The following DBNDD2 variants were observed in gnomAD, a reference collection of about 807,000 sequenced individuals.
The protein encoded by DBNDD2 is dysbindin domain-containing protein 2.
Under a neutral mutation model 14.0 loss-of-function variants are expected in DBNDD2, and 8 were observed. That is an observed-to-expected ratio of 0.57 (90% confidence interval 0.33 to 1.03). The LOEUF (loss-of-function observed/expected upper bound fraction) is 1.03. Among genes scored for constraint, DBNDD2 ranks in the 50% least tolerant of loss-of-function variants. DBNDD2 has a pLI of 0.03. For synonymous variants in DBNDD2, 94 were observed against 85.3 expected (o/e 1.10, Z -0.56); for missense variants, 194 against 206.0 (o/e 0.94, Z 0.36).
chr20:45,408,729 CCTGACATGTAACT>C, intron 1 of DBNDD2, 59 bp from the exon 2 acceptor site: 1 of 1,581,920 alleles, frequency 6.3e-7, no homozygotes, highest in Non-Finnish European at 8.7e-7. Flanking sequence ...TAACTTGGGA[CCTGACATGTAACT>C]CTCACTGTCC....
In DBNDD2 at chr20:45,408,918, C is replaced by A; in HGVS notation, c.257C>A (p.Pro86Gln). ...ADVFLPCEDP[P>Q]PTPQSSGMDN... ...GTGTTCTTGCCTTGCGAAGATCCTC[C>A]ACCAACCCCCCAGTCGTCTGGTATG... Residue 86 changes from proline to glutamine, a missense_variant, in exon 2 of 3, where the codon CCA becomes CAA. Pro to Gln is a moderately conservative substitution (Grantham distance 76). Coordinates refer to ENST00000372710, the MANE Select transcript of DBNDD2 (RefSeq NM_001048225.4). The A allele has an allele frequency of 6.2e-7, 1 of 1,614,186 alleles. No homozygotes were observed. Among genetic ancestry groups the A allele is most frequent in the Non-Finnish European group, 8.5e-7 (1 of 1,180,046 alleles).
chr20:45,406,403 C>T, upstream of DBNDD2: 1 of 1,466,528 alleles, frequency 6.8e-7, no homozygotes. Context: ...GCACCGGCGT[C>T]GGTGGCGAGG....
At chr20:45,406,688 C>A, upstream of DBNDD2, 2 of 1,332,282 alleles carry the variant, frequency 1.5e-6, no homozygotes, top group Non-Finnish European at 1.9e-6. Context: ...GCCGCGGCCT[C>A]GCTGGAGCGG....
At chr20:45,406,209 G>A (rs1349337415), upstream of DBNDD2, 4 of 494,218 alleles carry the variant, frequency 8.1e-6, no homozygotes, top group Admixed American at 1.3e-4. Flanking sequence ...AAGTGCGCGC[G>A]TGTAAGTGTG....
At chr20:45,408,706 C>G in intron 1 of DBNDD2, 95 bp from the exon 2 acceptor site, 2 of 1,574,492 alleles carry the variant, frequency 1.3e-6, no homozygotes, top group Non-Finnish European at 1.7e-6. Context: ...GTTTTCTTGG[C>G]CCTCTATGCT....
At chr20:45,407,273 TCCGCCGCCAGC>T (rs1989491223), upstream of DBNDD2, 3 of 979,686 alleles carry the variant, frequency 3.1e-6, no homozygotes, top group Non-Finnish European at 3.6e-6. Flanking sequence ...GCCTCGCTCC[TCCGCCGCCAGC>T]CCGCGGCCGC....
chr20:45,410,164 G>T lies in DBNDD2; in HGVS notation c.*24G>T. 1.3e-6 allele frequency: 2 copies of T among 1,551,062 alleles called. No individual in the cohort carries two copies. Among genetic ancestry groups the T allele is most frequent in the South Asian group, 2.4e-5 (2 of 83,988 alleles). On this transcript the variant is annotated 3_prime_UTR_variant, in exon 3 of 3. Transcript: ENST00000372710. ...AGCAGTGGGCCCCTGCCTACAGACT[G>T]ACCACGCTGGCTATTCTCCACATGA...
At position 45,408,622 on chromosome 20, in the gene DBNDD2, T is replaced by C. The variant is rs1938813620; in HGVS notation, c.139+16T>C. 6.2e-7 allele frequency: 1 copy of C among 1,609,048 alleles called. No homozygotes were observed. The highest frequency in any genetic ancestry group is 1.7e-5 in the Admixed American group (1 of 59,814). ...TCGCAGAGACGTAAGTCCCAAGTCC[T>C]GAGAAGAGGGACTGGGGTAGGGTAG... On this transcript the variant is annotated intron_variant, in intron 1 of 2. Transcript: ENST00000372710.
upstream of DBNDD2, chr20:45,407,743 G>A (rs751184875): frequency 1.9e-4 from 187 of 1,007,754 alleles, no homozygotes; most frequent in Non-Finnish European, 2.2e-4. Flanking sequence ...CTCCTAAATA[G>A]CTCACCTTCA....
Position 45,410,022 on chromosome 20 carries a change from C to G in DBNDD2, c.368C>G (p.Ser123Cys). 1 of 1,552,540 alleles carries G rather than the reference C, an allele frequency of 6.4e-7. No homozygotes were observed. The highest frequency in any genetic ancestry group is 8.7e-7 in the Non-Finnish European group (1 of 1,147,348). Residue 123 changes from serine (S) to cysteine (C), a missense_variant, in exon 3 of 3, where the codon TCC (serine) becomes TGC (cysteine). Transcript: ENST00000372710. Reference sequence around the variant, plus strand: ...ACCTCCTCCTCCTCCTCCTCCGACTCCTCCACCAACCTGCATAGCCCAAAT... The same window carrying G: ...ACCTCCTCCTCCTCCTCCTCCGACTGCTCCACCAACCTGCATAGCCCAAAT... ...SRTSSSSSSD[S>C]STNLHSPNPS...
chr20:45,410,228 G>T lies in DBNDD2; in HGVS notation c.*88G>T. On this transcript the variant is annotated 3_prime_UTR_variant, in exon 3 of 3. Coordinates refer to ENST00000372710, the MANE Select transcript of DBNDD2 (RefSeq NM_001048225.4). ...GCCAGAGCCTGTCGGGAGAAGACCA[G>T]ACTCTTTACTTGCAGTAGGCACCAG... 1 of 1,415,546 alleles carries T rather than the reference G, an allele frequency of 7.1e-7. No individual in the cohort carries two copies. Among genetic ancestry groups the T allele is most frequent in the Non-Finnish European group, 9.7e-7 (1 of 1,035,644 alleles). The allele number at this position is 1,415,546 out of a possible 1,614,324, so 87.7% of individuals were successfully genotyped here. A position where few individuals can be genotyped will look rare whatever the true frequency, so the allele number is the denominator to read the frequency against.
upstream of DBNDD2, chr20:45,406,379 G>A: frequency 2.2e-6 from 3 of 1,383,578 alleles, no homozygotes; most frequent in South Asian, 1.4e-5. Context: ...GCATCCGAGC[G>A]AGCGGAGACT....
rs1232783376 is a variant in DBNDD2, at chr20:45,408,585, C to G, written c.118C>G (p.Leu40Val). The G allele has an allele frequency of 5.0e-6, 8 of 1,613,480 alleles. No homozygotes were observed. Among genetic ancestry groups the G allele is most frequent in the Non-Finnish European group, 6.8e-6 (8 of 1,179,506 alleles). ...ETEFVFPLSH[L>V]HLESQRPPIG... ...AGAGTTTGTCTTTCCTCTGTCCCAT[C>G]TGCATCTCGAGTCGCAGAGACGTAA... Residue 40 changes from leucine to valine, a missense_variant, in exon 1 of 3, where the codon CTG becomes GTG. Physicochemically the swap from Leu to Val is conservative, Grantham distance 32. Coordinates refer to ENST00000372710, the MANE Select transcript of DBNDD2 (RefSeq NM_001048225.4).
upstream of DBNDD2, among the ~76,000 whole-genome samples, chr20:45,407,016 T>C (rs1432764814): frequency 1.3e-5 from 2 of 152,212 alleles, no homozygotes; most frequent in African/African-American, 2.4e-5. Context: ...AACAACTCCC[T>C]TTCTCCAGCT....
Position 45,408,871 on chromosome 20 carries a change from T to G in DBNDD2, c.210T>G (p.Leu70=). 6.2e-7 allele frequency: 1 copy of G among 1,614,220 alleles called. No homozygotes were observed. Among genetic ancestry groups the G allele is most frequent in the Non-Finnish European group, 8.5e-7 (1 of 1,180,038 alleles). Residue 70 remains leucine (L), a synonymous_variant, in exon 2 of 3, where the codon CTT becomes CTG. Transcript: ENST00000372710. ...DTLEQVELID[L]GDPDAADVFL... is the part of the protein sequence containing the mutation. The stretch of plus-strand genomic sequence containing the variant: ...TGGAGCAAGTAGAACTTATTGACCT[T>G]GGGGACCCGGATGCAGCAGATGTGT...
upstream of DBNDD2, chr20:45,407,808 G>T: frequency 3.8e-6 from 4 of 1,048,272 alleles, no homozygotes; most frequent in Non-Finnish European, 4.6e-6. Context: ...TTTCAGATGG[G>T]GAGACTAAGA....
upstream of DBNDD2, chr20:45,406,141 T>C (rs1003489365): frequency 1.9e-5 from 6 of 321,990 alleles, no homozygotes; most frequent in Non-Finnish European, 3.4e-5. Context: ...ACCGGGTCAG[T>C]GCCCTGCCCC....
chr20:45,406,991 C>G (rs1372716870), upstream of DBNDD2, among the ~76,000 whole-genome samples: 1 of 152,198 alleles, frequency 6.6e-6, no homozygotes, highest in Admixed American at 6.5e-5. Context: ...CTTTCCAGTA[C>G]CTATAGGTCG....
In DBNDD2 at chr20:45,410,034, T is replaced by G. The variant is rs1241346114; in HGVS notation, c.380T>G (p.Leu127Arg). 1 of 1,553,104 alleles carries G rather than the reference T, an allele frequency of 6.4e-7. No homozygotes were observed. Among genetic ancestry groups the G allele is most frequent in the South Asian group, 1.2e-5 (1 of 84,094 alleles). ...SSSSSDSSTN[L>R]HSPNPSDDGA... is the part of the protein sequence containing the mutation. ...TCCTCCTCCGACTCCTCCACCAACC[T>G]GCATAGCCCAAATCCAAGTGATGAT... Residue 127 changes from leucine to arginine, a missense_variant, in exon 3 of 3, where the codon CTG becomes CGG. Physicochemically the swap from Leu to Arg is moderately radical, Grantham distance 102. Transcript: ENST00000372710.
Sources: allele counts gnomAD v4.1 joint callset (sites outside exome capture counted in the v4.1 genomes callset), GRCh38; gene constraint gnomAD v4.1.1; transcripts MANE v1.5; gene names NCBI Gene and HGNC (gene_info 2026-07-23, HGNC 2026-07-21).